Variants in ASAP1 observed in about 807,000 individuals in gnomAD.
The protein encoded by ASAP1 is arf-GAP with SH3 domain, ANK repeat and PH domain-containing protein 1.
Under a neutral mutation model 145.2 loss-of-function variants are expected in ASAP1, and 43 were observed. That is an observed-to-expected ratio of 0.30 (90% CI 0.23 to 0.38). The LOEUF is 0.38. Ranked by LOEUF, ASAP1 falls within the 10% of genes least tolerant of loss-of-function variation. The pLI, the probability that ASAP1 is intolerant of heterozygous loss-of-function variation, is 1.00. For missense variants in ASAP1, 1,018 were observed against 1,355.3 expected, an observed-to-expected ratio of 0.75 and a Z score of 3.91; for synonymous variants, 546 against 515.5, an observed-to-expected ratio of 1.06 and a Z score of -0.80.
intron 3 of ASAP1, among the ~76,000 whole-genome samples, chr8:130,286,364 G>A (rs529459153): frequency 1.2e-4 from 18 of 150,156 alleles, no homozygotes; most frequent in African/African-American, 3.1e-4. Flanking sequence ...ATCTCACTGC[G>A]TATATGACAT....
chr8:130,154,905 A>T (rs1285013930), intron 12 of ASAP1, among the ~76,000 whole-genome samples: 1 of 152,208 alleles, frequency 6.6e-6, no homozygotes, highest in East Asian at 1.9e-4. Context: ...GGCCAGGGAA[A>T]TGTCTGATTA....
chr8:130,206,888 T>C (rs1396037021), intron 5 of ASAP1, among the ~76,000 whole-genome samples: 26 of 152,140 alleles, frequency 1.7e-4, no homozygotes, highest in Admixed American at 1.7e-3. Context: ...ACTCCTTAAC[T>C]TCTTTGCTAG....
At chr8:130,194,500 T>C (rs1205198712) in intron 5 of ASAP1, among the ~76,000 whole-genome samples, 1 of 152,228 alleles carries the variant, frequency 6.6e-6, no homozygotes, top group Non-Finnish European at 1.5e-5. Context: ...CATGGGATTC[T>C]ACAAATTTCC....
intron 26 of ASAP1, among the ~76,000 whole-genome samples, chr8:130,079,257 C>T (rs2097472863): frequency 6.6e-6 from 1 of 152,040 alleles, no homozygotes; most frequent in African/African-American, 2.4e-5. Flanking sequence ...GACTCTTTTT[C>T]CCTGAAGTTT....
intron 1 of ASAP1, among the ~76,000 whole-genome samples, chr8:130,404,710 C>T (rs752521776): frequency 3.3e-5 from 5 of 152,162 alleles, no homozygotes; most frequent in Non-Finnish European, 5.9e-5. Flanking sequence ...TGCCCTTTGT[C>T]ATGGGACTTT....
intron 16 of ASAP1, among the ~76,000 whole-genome samples, chr8:130,127,657 T>C (rs2097577074): frequency 6.6e-6 from 1 of 152,178 alleles, no homozygotes; most frequent in Admixed American, 6.6e-5. Context: ...CTCTCCATAA[T>C]GTCCATGGTG....
At chr8:130,292,994 G>T (rs1160159253) in intron 3 of ASAP1, among the ~76,000 whole-genome samples, 4 of 152,210 alleles carry the variant, frequency 2.6e-5, no homozygotes, top group Non-Finnish European at 4.4e-5. Context: ...AGTCTGGGAA[G>T]CCACTGCTCA....
chr8:130,236,746 C>T (rs540226424), intron 4 of ASAP1, among the ~76,000 whole-genome samples, 176 bp downstream of exon 4: 3 of 152,220 alleles, frequency 2.0e-5, no homozygotes, highest in African/African-American at 7.2e-5. Flanking sequence ...GTTTTGGAAA[C>T]ACTAATAGGT....
chr8:130,227,824 C>T (rs778391843), intron 4 of ASAP1, among the ~76,000 whole-genome samples: 1 of 151,952 alleles, frequency 6.6e-6, no homozygotes, highest in Non-Finnish European at 1.5e-5. Context: ...CGTGTGTCGT[C>T]GTTCTGAGGC....
At chr8:130,294,117 ATAC>A (rs1359556413) in intron 3 of ASAP1, among the ~76,000 whole-genome samples, 1 of 152,218 alleles carries the variant, frequency 6.6e-6, no homozygotes, top group Non-Finnish European at 1.5e-5. Context: ...AATGGCTGGT[ATAC>A]TAAGTCTTCT....
At chr8:130,429,822 A>C (rs929830504) in intron 1 of ASAP1, among the ~76,000 whole-genome samples, 3 of 152,230 alleles carry the variant, frequency 2.0e-5, no homozygotes, top group Admixed American at 2.0e-4. Flanking sequence ...AGTTTTGAAG[A>C]ATAACGCATG....
chr8:130,055,227 A>G (rs2097401094), intron 29 of ASAP1, among the ~76,000 whole-genome samples: 1 of 151,540 alleles, frequency 6.6e-6, no homozygotes, highest in Non-Finnish European at 1.5e-5. Flanking sequence ...AACCTTGCTA[A>G]GCCTTTTCTC....
chr8:130,367,742 C>T (rs757415808), intron 2 of ASAP1, among the ~76,000 whole-genome samples: 9 of 152,196 alleles, frequency 5.9e-5, no homozygotes, highest in African/African-American at 1.9e-4. Flanking sequence ...TGCTTCAAAA[C>T]GCTAAGAACT....
chr8:130,421,770 G>A (rs1394340807), intron 1 of ASAP1, among the ~76,000 whole-genome samples: 1 of 152,124 alleles, frequency 6.6e-6, no homozygotes, highest in Admixed American at 6.6e-5. Context: ...ACATCGTGGG[G>A]ACTATTTGTT....
At chr8:130,379,135 A>C (rs2138368956) in intron 2 of ASAP1, among the ~76,000 whole-genome samples, 1 of 152,266 alleles carries the variant, frequency 6.6e-6, no homozygotes, top group South Asian at 2.1e-4. Flanking sequence ...TGAAACCTCC[A>C]TAAAAACCCC....
At chr8:130,256,761 A>ATATATATATATATATT (rs1819580948) in intron 3 of ASAP1, among the ~76,000 whole-genome samples, 17 of 98,140 alleles carry the variant, frequency 1.7e-4, no homozygotes, top group African/African-American at 5.5e-4. Context: ...ATATATATAT[A>ATATATATATATATATT]TATATATATA....
At chr8:130,235,134 G>A (rs915935072) in intron 4 of ASAP1, among the ~76,000 whole-genome samples, 11 of 152,030 alleles carry the variant, frequency 7.2e-5, no homozygotes, top group African/African-American at 2.7e-4. Context: ...AACAAAGCTA[G>A]GATTCAAACT....
chr8:130,276,722 A>ACT (rs1820912328), intron 3 of ASAP1, among the ~76,000 whole-genome samples: 9 of 110,626 alleles, frequency 8.1e-5, no homozygotes, highest in African/African-American at 2.8e-4. Flanking sequence ...ACACACACAC[A>ACT]CACACACTCT....
intron 2 of ASAP1, among the ~76,000 whole-genome samples, chr8:130,400,855 AG>A (rs1435941349): frequency 6.6e-6 from 1 of 151,906 alleles, no homozygotes; most frequent in Non-Finnish European, 1.5e-5. Context: ...TAGCTGGGCA[AG>A]TTCTTTACCC....
Sources: gnomAD v4.1 joint callset for allele counts (sites outside exome capture counted in the v4.1 genomes callset) on GRCh38, gnomAD v4.1.1 for gene constraint, MANE v1.5 for transcripts, NCBI Gene and HGNC (gene_info 2026-07-23, HGNC 2026-07-21) for gene names.